Variants in APBA2 observed in about 807,000 individuals in gnomAD.
APBA2 encodes the protein amyloid-beta A4 precursor protein-binding family A member 2.
APBA2 carries 30 observed loss-of-function variants against 75.0 expected under a neutral mutation model. The ratio of observed to expected loss-of-function variants is 0.40; its 90% confidence interval spans 0.30 to 0.54. The LOEUF is 0.54. Among genes scored for constraint, APBA2 ranks in the 20% least tolerant of loss-of-function variants. The pLI, the probability that APBA2 is intolerant of heterozygous loss-of-function variation, is 0.49. For synonymous variants in APBA2, 444 were observed against 409.6 expected, an observed-to-expected ratio of 1.08 and a Z score of -1.01; for missense variants, 801 against 1,016.1, an observed-to-expected ratio of 0.79 and a Z score of 2.88.
chr15:28,971,485 C>T (rs866764724), intron 2 of APBA2, among the ~76,000 whole-genome samples: 3 of 152,194 alleles, frequency 2.0e-5, no homozygotes, highest in African/African-American at 7.2e-5. Flanking sequence ...TGGTCCCACC[C>T]TCACTCGGGA....
chr15:29,001,921 A>C (rs1320595869), intron 3 of APBA2, among the ~76,000 whole-genome samples: 1 of 152,206 alleles, frequency 6.6e-6, no homozygotes, highest in Non-Finnish European at 1.5e-5. Context: ...TTGATTAATG[A>C]TATTCAGCTC....
chr15:28,978,629 A>T (rs1419153028), intron 2 of APBA2, among the ~76,000 whole-genome samples: 1 of 152,192 alleles, frequency 6.6e-6, no homozygotes, highest in Non-Finnish European at 1.5e-5. Flanking sequence ...AGCTATTGTG[A>T]TGGCTTCTGA....
At chr15:28,936,892 C>T (rs2034905438) in intron 2 of APBA2, among the ~76,000 whole-genome samples, 1 of 152,076 alleles carries the variant, frequency 6.6e-6, no homozygotes, top group Non-Finnish European at 1.5e-5. Flanking sequence ...CTCGATCTAC[C>T]CTCATGCAGA....
chr15:28,945,685 T>G (rs1406137749), intron 2 of APBA2, among the ~76,000 whole-genome samples: 1 of 152,142 alleles, frequency 6.6e-6, no homozygotes, highest in East Asian at 1.9e-4. Flanking sequence ...GCCTGGCTAA[T>G]TTTTGTATTT....
At chr15:29,021,073 C>G (rs1040828977) in intron 3 of APBA2, among the ~76,000 whole-genome samples, 1 of 151,992 alleles carries the variant, frequency 6.6e-6, no homozygotes, top group African/African-American at 2.4e-5. Flanking sequence ...TATCTTAATT[C>G]TTTCCATATA....
At chr15:29,101,314 C>T (rs1459200842) in intron 9 of APBA2, among the ~76,000 whole-genome samples, 1 of 151,620 alleles carries the variant, frequency 6.6e-6, no homozygotes, top group African/African-American at 2.4e-5. Flanking sequence ...GATGCAACCT[C>T]TGCCTTCACA....
intron 3 of APBA2, among the ~76,000 whole-genome samples, chr15:29,048,668 G>C (rs950801607): frequency 1.3e-5 from 2 of 151,956 alleles, no homozygotes; most frequent in African/African-American, 4.8e-5. Context: ...GGGCGGGGTG[G>C]CTCACACCTG....
intron 4 of APBA2, among the ~76,000 whole-genome samples, chr15:29,067,224 C>T (rs775602922): frequency 3.3e-5 from 5 of 152,192 alleles, no homozygotes; most frequent in Admixed American, 1.3e-4. Context: ...TTGGGGATTG[C>T]ATTTCAGTAT....
At chr15:29,014,337 G>C (rs2039551611) in intron 3 of APBA2, among the ~76,000 whole-genome samples, 1 of 152,220 alleles carries the variant, frequency 6.6e-6, no homozygotes, top group African/African-American at 2.4e-5. Flanking sequence ...ATCGGAGAAA[G>C]AAGTGAGGCT....
chr15:28,927,403 G>A (rs991035377), intron 2 of APBA2, among the ~76,000 whole-genome samples: 2 of 151,548 alleles, frequency 1.3e-5, no homozygotes, highest in African/African-American at 4.9e-5. Context: ...AGCCTCCATG[G>A]TCTGTGGCTT....
Position 29,108,335 on chromosome 15 carries a change from T to C in APBA2, c.1983T>C (p.Leu661=). Residue 661 remains leucine (L), a synonymous_variant, in exon 13 of 15, where the codon CTT becomes CTC. Transcript: ENST00000683413. The stretch of plus-strand genomic sequence containing the variant: ...GCTGTCCCCCGGTCACCACGGTCCT[T>C]ATCAAGCGGCCAGACCTCAAGTACC... The part of the protein sequence containing the change: ...IVSCPPVTTV[L]IKRPDLKYQL... 2.5e-6 allele frequency: 4 copies of C among 1,614,086 alleles called. No individual in the cohort carries two copies. Among genetic ancestry groups the C allele is most frequent in the Non-Finnish European group, 3.4e-6 (4 of 1,180,024 alleles).
At chr15:28,936,222 C>G (rs1037888077) in intron 2 of APBA2, among the ~76,000 whole-genome samples, 1 of 152,202 alleles carries the variant, frequency 6.6e-6, no homozygotes, top group Non-Finnish European at 1.5e-5. Flanking sequence ...TTTCTGCCAG[C>G]TCTCTTGCAC....
At chr15:28,887,333 T>G (rs553291298) in intron 1 of APBA2, among the ~76,000 whole-genome samples, 5 of 152,360 alleles carry the variant, frequency 3.3e-5, no homozygotes, top group African/African-American at 1.2e-4. Flanking sequence ...TTTATTTTTC[T>G]GTTTTCCTTC....
At chr15:29,075,971 T>C in intron 5 of APBA2, 84 bp from the exon 6 acceptor site, 5 of 1,272,134 alleles carry the variant, frequency 3.9e-6, no homozygotes, top group Non-Finnish European at 5.7e-6. Flanking sequence ...TTATGGCTCA[T>C]ATCACAGCCC....
intron 2 of APBA2, among the ~76,000 whole-genome samples, chr15:28,931,321 CT>C (rs2034552130): frequency 6.6e-6 from 1 of 152,212 alleles, no homozygotes; most frequent in Non-Finnish European, 1.5e-5. Context: ...GTCGGTCCCC[CT>C]GTAGCTCCTG....
At chr15:28,942,940 G>C (rs77842683) in intron 2 of APBA2, among the ~76,000 whole-genome samples, 16,645 of 152,222 alleles carry the variant, frequency 0.11, 1,821 homozygotes, top group East Asian at 0.33. Flanking sequence ...CGGTTTCCTC[G>C]TTCTCAGGGG....
intron 2 of APBA2, among the ~76,000 whole-genome samples, chr15:28,975,058 T>C (rs1177048352): frequency 1.3e-5 from 2 of 152,066 alleles, no homozygotes. Flanking sequence ...AGAAATGACA[T>C]TAACAGAACA....
rs1566942042 is a variant in APBA2 at position 29,046,022 on chromosome 15, C to G, written c.-40-7823C>G. On this transcript the variant is annotated intron_variant, in intron 3 of 14. Transcript: ENST00000683413. This position sits in a 1 kb window ranked among gnomAD's most constrained non-coding sequence, Gnocchi z 5.0. ...TTAAAGTAATTGGAGATTCTTTGAC[C>G]AGACGTTTTGAGAGTCTGGCAGCCC... 6.6e-6 allele frequency among the ~76,000 whole-genome samples: 1 copy of G among 152,238 alleles called. No homozygotes were observed. Among genetic ancestry groups the G allele is most frequent in the South Asian group, 2.1e-4 (1 of 4,812 alleles).
chr15:29,116,923 G>C, intron 14 of APBA2, 139 bp from the exon 15 acceptor site: 2 of 911,984 alleles, frequency 2.2e-6, no homozygotes, highest in South Asian at 2.6e-5. Flanking sequence ...GGCCTGGGCA[G>C]GCTGGCCTTC....
Sources: gnomAD v4.1 joint callset for allele counts (sites outside exome capture counted in the v4.1 genomes callset) on GRCh38, gnomAD v4.1.1 for gene constraint, Gnocchi (gnomAD v3.1) non-coding constraint, MANE v1.5 for transcripts, NCBI Gene and HGNC (gene_info 2026-07-23, HGNC 2026-07-21) for gene names.